The following STAC variants were observed in gnomAD, a reference collection of about 807,000 sequenced individuals.
STAC encodes the protein SH3 and cysteine rich domain.
In STAC, 43 loss-of-function variants were observed where a neutral mutation model predicts 48.8. That is an observed-to-expected ratio of 0.88 (90% confidence interval 0.69 to 1.14). STAC has a LOEUF of 1.14. Among genes scored for constraint, STAC ranks in the 50% most tolerant of loss-of-function variants. The probability of loss-of-function intolerance (pLI) is 0.00; values close to 1 mark genes in which losing one functional copy is unlikely to be tolerated. For synonymous variants in STAC, 193 were observed against 179.5 expected (o/e 1.07, Z -0.60); for missense variants, 497 against 504.0 (o/e 0.99, Z 0.13).
At chr3:36,429,550 TG>T (rs762847322) in intron 1 of STAC, among the ~76,000 whole-genome samples, 4 of 152,198 alleles carry the variant, frequency 2.6e-5, no homozygotes, top group East Asian at 1.9e-4. Flanking sequence ...GCATGGAAGA[TG>T]CTTCCTCCCC....
chr3:36,428,936 A>G (rs1700627714), intron 1 of STAC, among the ~76,000 whole-genome samples: 1 of 152,240 alleles, frequency 6.6e-6, no homozygotes, highest in Non-Finnish European at 1.5e-5. Flanking sequence ...TGGAGCATAC[A>G]GCAAGAAATA....
chr3:36,455,271 A>C (rs1696821272), intron 2 of STAC, among the ~76,000 whole-genome samples: 1 of 152,232 alleles, frequency 6.6e-6, no homozygotes. Context: ...TGCCCAGGTC[A>C]GAAGGACAGG....
chr3:36,448,212 T>A (rs11129716), intron 2 of STAC, among the ~76,000 whole-genome samples: 1 of 129,238 alleles, frequency 7.7e-6, no homozygotes, highest in Non-Finnish European at 1.8e-5. Context: ...TATTTTATTT[T>A]ACTTTATTTA....
At chr3:36,508,209 T>C (rs537388886) in intron 8 of STAC, among the ~76,000 whole-genome samples, 1 of 152,328 alleles carries the variant, frequency 6.6e-6, no homozygotes, top group East Asian at 1.9e-4. Flanking sequence ...GGTTGTTCAG[T>C]TTCCATGTAG....
chr3:36,395,546 G>A (rs1699839914), intron 1 of STAC, among the ~76,000 whole-genome samples: 1 of 152,154 alleles, frequency 6.6e-6, no homozygotes, highest in African/African-American at 2.4e-5. Flanking sequence ...TGGTCAGAGT[G>A]AATGACCAGA....
At chr3:36,461,098 G>A (rs1396188817) in intron 2 of STAC, among the ~76,000 whole-genome samples, 1 of 152,034 alleles carries the variant, frequency 6.6e-6, no homozygotes, top group Admixed American at 6.6e-5. Context: ...TTTTTTACAT[G>A]TATGTATATG....
chr3:36,398,310 A>T (rs138155587), intron 1 of STAC, among the ~76,000 whole-genome samples: 2,861 of 116,646 alleles, frequency 0.025, 60 homozygotes, highest in Non-Finnish European at 0.026. Flanking sequence ...AAAGAAAGAA[A>T]GAAAGAAAGC....
At chr3:36,453,205 G>C (rs1696736548) in intron 2 of STAC, among the ~76,000 whole-genome samples, 1 of 152,200 alleles carries the variant, frequency 6.6e-6, no homozygotes. Flanking sequence ...GCCCTTGCTC[G>C]CTCCCGGCGC....
At chr3:36,526,799 G>A (rs922071849) in intron 8 of STAC, among the ~76,000 whole-genome samples, 34 of 152,180 alleles carry the variant, frequency 2.2e-4, no homozygotes, top group African/African-American at 8.2e-4. Context: ...TAAGAACTGT[G>A]TTGAGATAAC....
chr3:36,528,395 C>G (rs559951167), intron 8 of STAC, among the ~76,000 whole-genome samples: 3 of 150,824 alleles, frequency 2.0e-5, no homozygotes, highest in Admixed American at 2.0e-4. Context: ...CTTGAACCAG[C>G]GAGTCAGAGG....
intron 1 of STAC, among the ~76,000 whole-genome samples, chr3:36,435,324 A>C (rs1700806291): frequency 6.6e-6 from 1 of 152,110 alleles, no homozygotes; most frequent in African/African-American, 2.4e-5. Context: ...CAAAAGAGAA[A>C]AGCCACATCC....
At position 36,505,811 on chromosome 3, in the gene STAC, G is replaced by A; in HGVS notation, c.897G>A (p.Gln299=). Residue 299 remains glutamine, a synonymous_variant, in exon 8 of 11, where the codon CAG becomes CAA. Transcript: ENST00000273183. The stretch of plus-strand genomic sequence containing the variant: ...TTGCCTTGTACAAATTTGTACCACA[G>A]GAGAATGAAGATTTGGAAATGAGGT... ...TYVALYKFVP[Q]ENEDLEMRPG... 1 of 1,605,106 alleles carries A rather than the reference G, an allele frequency of 6.2e-7. No homozygotes were observed. Among genetic ancestry groups the A allele is most frequent in the Non-Finnish European group, 8.5e-7 (1 of 1,176,418 alleles).
At chr3:36,398,690 A>AAAAGAAAGAAAGAAAGAAAGAAAGAAAG (rs550062269) in intron 1 of STAC, among the ~76,000 whole-genome samples, 2 of 140,892 alleles carry the variant, frequency 1.4e-5, no homozygotes, top group Non-Finnish European at 3.1e-5. Context: ...AGAAAGAAAG[A>AAAAGAAAGAAAGAAAGAAAGAAAGAAAG]AAAGAAAGAA....
At chr3:36,404,706 A>G (rs1358744968) in intron 1 of STAC, among the ~76,000 whole-genome samples, 4 of 152,276 alleles carry the variant, frequency 2.6e-5, no homozygotes, top group Middle Eastern at 3.4e-3. Flanking sequence ...AAAGTCACAA[A>G]ACAACATGTG....
At chr3:36,423,817 T>C (rs1448984929) in intron 1 of STAC, among the ~76,000 whole-genome samples, 1 of 152,196 alleles carries the variant, frequency 6.6e-6, no homozygotes, top group Non-Finnish European at 1.5e-5. Flanking sequence ...TCAGGCTTAT[T>C]AACACATTAT....
At chr3:36,440,562 A>C (rs1216626301) in intron 1 of STAC, among the ~76,000 whole-genome samples, 1 of 152,222 alleles carries the variant, frequency 6.6e-6, no homozygotes, top group Non-Finnish European at 1.5e-5. Context: ...AGGCCTCTTA[A>C]GGCCTGGGCT....
At position 36,477,480 on chromosome 3, in the gene STAC, T is replaced by A. The variant is rs567342604; in HGVS notation, c.389-5512T>A. ...GATATATGTAATTAATTTCATTTTTTAAAAAAAAAAAGTTGATGCATGCTA... is the reference window on the plus strand; with the variant it reads ...GATATATGTAATTAATTTCATTTTTAAAAAAAAAAAAGTTGATGCATGCTA... On this transcript the variant is annotated intron_variant, in intron 2 of 10. Coordinates refer to ENST00000273183, the MANE Select transcript of STAC (RefSeq NM_003149.3). Among the ~76,000 whole-genome samples the A allele has an allele frequency of 1.2e-3, 181 of 148,512 alleles. 1 individual carries two copies. Among genetic ancestry groups the A allele is most frequent in the East Asian group, 3.5e-3 (18 of 5,128 alleles).
chr3:36,432,635 G>A (rs1257965720), intron 1 of STAC, among the ~76,000 whole-genome samples: 2 of 152,076 alleles, frequency 1.3e-5, no homozygotes, highest in African/African-American at 2.4e-5. Context: ...CCCAGGAGGC[G>A]GAGGTTGCAG....
intron 2 of STAC, among the ~76,000 whole-genome samples, chr3:36,472,290 C>T (rs560610736): frequency 4.0e-4 from 61 of 152,290 alleles, no homozygotes; most frequent in Middle Eastern, 6.8e-3. Context: ...GCCCTGGGCC[C>T]GGCCCACGAA....
Sources: gnomAD v4.1 joint callset for allele counts (sites outside exome capture counted in the v4.1 genomes callset) on GRCh38, gnomAD v4.1.1 for gene constraint, MANE v1.5 for transcripts, NCBI Gene and HGNC (gene_info 2026-07-23, HGNC 2026-07-21) for gene names.